TMEM92: variants seen among roughly 807,000 people sequenced by gnomAD.
TMEM92 encodes transmembrane protein 92.
In TMEM92, 15 loss-of-function variants were observed where a neutral mutation model predicts 14.6. The observed-to-expected ratio is 1.03, with a 90% CI of 0.69 to 1.58. The LOEUF is 1.58. Ranked by LOEUF, TMEM92 falls within the 40% of genes most tolerant of loss-of-function variation. The pLI is 0.00. For synonymous variants in TMEM92, 85 were observed against 83.3 expected (o/e 1.02, Z -0.11); for missense variants, 174 against 202.4 (o/e 0.86, Z 0.85).
At position 50,279,806 on chromosome 17, in the gene TMEM92, C is replaced by T. The variant is rs1326751748; in HGVS notation, c.*498C>T. Reference sequence around the variant, plus strand: ...TGTCCTCACTGAATGTTACTGATTGCGGCTGAGGGCCTGCCTCTGGCTGTG... The same window carrying T: ...TGTCCTCACTGAATGTTACTGATTGTGGCTGAGGGCCTGCCTCTGGCTGTG... On this transcript the variant is annotated 3_prime_UTR_variant, in exon 5 of 5. Transcript: ENST00000507382. 4.0e-5 allele frequency: 7 copies of T among 173,400 alleles called. No homozygotes were observed. Among genetic ancestry groups the T allele is most frequent in the East Asian group, 1.9e-4 (1 of 5,306 alleles). 10.7% of individuals were successfully genotyped at this position (173,400 alleles called of 1,614,324 possible).
In TMEM92 at chr17:50,278,876, C is replaced by A. The variant is rs751743999; in HGVS notation, c.246C>A (p.Asn82Lys). ...GCCTGGCTAAGTGCTTCTGTCGCAA[C>A]TGCAGAGAGCCGGAGCCAGACAGCC... is the stretch of plus-strand genomic sequence containing the variant. The part of the protein sequence containing the change: ...ICGLAKCFCR[N>K]CREPEPDSPV... Residue 82 changes from asparagine to lysine, a missense_variant, in exon 4 of 5, where the codon AAC becomes AAA. Asn to Lys is a moderately conservative substitution (Grantham distance 94, BLOSUM62 0). Coordinates refer to ENST00000507382, the MANE Select transcript of TMEM92 (RefSeq NM_153229.3). 20 of 1,613,870 alleles carry A rather than the reference C, an allele frequency of 1.2e-5. No individual in the cohort carries two copies. Among genetic ancestry groups the A allele is most frequent in the Non-Finnish European group, 1.6e-5 (19 of 1,179,886 alleles).
upstream of TMEM92, among the ~76,000 whole-genome samples, chr17:50,273,657 G>T (rs2250422): frequency 0.84 from 128,207 of 152,204 alleles, 55,758 homozygotes; most frequent in Non-Finnish European, 0.95. Context: ...AAATCTCAGG[G>T]CACTCTGAAA....
Position 50,278,926 on chromosome 17 carries a change from A to G in TMEM92, c.296A>G (p.Glu99Gly). 1 of 1,613,696 alleles carries G rather than the reference A, an allele frequency of 6.2e-7. No individual in the cohort carries two copies. Residue 99 changes from glutamate (E) to glycine (G), a missense_variant, in exon 4 of 5, where the codon GAA (glutamate) becomes GGA (glycine). Glu to Gly is a moderately conservative substitution (Grantham distance 98, BLOSUM62 -2). Coordinates refer to ENST00000507382, the MANE Select transcript of TMEM92 (RefSeq NM_153229.3). Reference sequence around the variant, plus strand: ...CCAGTGGATTGCCGGGGGCCCCTGGAACTGCCCTCCATCATCCCCCCAGAG... The same window carrying G: ...CCAGTGGATTGCCGGGGGCCCCTGGGACTGCCCTCCATCATCCCCCCAGAG... ...DSPVDCRGPL[E>G]LPSIIPPERV...
upstream of TMEM92, among the ~76,000 whole-genome samples, chr17:50,271,865 C>G (rs554294003): frequency 6.6e-6 from 1 of 152,124 alleles, no homozygotes; most frequent in African/African-American, 2.4e-5. Context: ...AAGGTAAAAC[C>G]CTGTCTCTAC....
chr17:50,279,388 C>T lies in TMEM92; in HGVS notation c.*80C>T, dbSNP rs1910541377. The T allele has an allele frequency of 1.8e-6, 2 of 1,091,796 alleles. No individual in the cohort carries two copies. Among genetic ancestry groups the T allele is most frequent in the South Asian group, 2.6e-5 (2 of 77,630 alleles). 67.6% of individuals were successfully genotyped at this position (1,091,796 alleles called of 1,614,324 possible). A position where few individuals can be genotyped will look rare whatever the true frequency, so the allele number is the denominator to read the frequency against. Reference sequence around the variant, plus strand: ...GATCAAGCTAGAGACTGCTGGCACCCCAGGAATGTCCCTGCCCATCCTGCC... The same window carrying T: ...GATCAAGCTAGAGACTGCTGGCACCTCAGGAATGTCCCTGCCCATCCTGCC... On this transcript the variant is annotated 3_prime_UTR_variant, in exon 5 of 5. Transcript: ENST00000507382.
chr17:50,279,437 T>A lies in TMEM92; in HGVS notation c.*129T>A. ...CCGTGTCTCTGTTCATTCTTGGATT[T>A]AACTTATTACTTTTTCTGCTTCTGT... is the stretch of plus-strand genomic sequence containing the variant. On this transcript the variant is annotated 3_prime_UTR_variant, in exon 5 of 5. Coordinates refer to ENST00000507382, the MANE Select transcript of TMEM92 (RefSeq NM_153229.3). 1.3e-6 allele frequency: 1 copy of A among 781,880 alleles called. No individual in the cohort carries two copies. 48.4% of individuals were successfully genotyped at this position (781,880 alleles called of 1,614,324 possible). A position where few individuals can be genotyped will look rare whatever the true frequency, so the allele number is the denominator to read the frequency against.
At chr17:50,278,747 G>T (rs1377979106) in intron 3 of TMEM92, 54 bp from the exon 4 acceptor site, 1 of 1,574,576 alleles carries the variant, frequency 6.4e-7, no homozygotes, top group Non-Finnish European at 8.6e-7. Context: ...GAGATGTAGG[G>T]AGTCCCCAGG....
chr17:50,279,691 G>T lies in TMEM92; in HGVS notation c.*383G>T. On this transcript the variant is annotated 3_prime_UTR_variant, in exon 5 of 5. Transcript: ENST00000507382. ...TTATCAGGGCACTTCTATACCTGTG[G>T]GACATTGGACTGGATGAGCCCTGAG... 1 of 275,662 alleles carries T rather than the reference G, an allele frequency of 3.6e-6. No homozygotes were observed. Among genetic ancestry groups the T allele is most frequent in the South Asian group, 3.3e-5 (1 of 30,746 alleles). 17.1% of individuals were successfully genotyped at this position (275,662 alleles called of 1,614,324 possible).
intron 1 of TMEM92, among the ~76,000 whole-genome samples, chr17:50,275,563 C>G (rs886641042): frequency 1.1e-4 from 17 of 152,146 alleles, no homozygotes; most frequent in African/African-American, 4.1e-4. Flanking sequence ...AGCCCAAGAC[C>G]ACCCTGACGC....
intron 1 of TMEM92, among the ~76,000 whole-genome samples, chr17:50,275,739 G>A (rs1408725633): frequency 2.0e-5 from 3 of 152,278 alleles, no homozygotes; most frequent in South Asian, 4.1e-4. Flanking sequence ...TCCAGGAAAA[G>A]GACAAGGGCC....
upstream of TMEM92, among the ~76,000 whole-genome samples, chr17:50,271,719 G>A (rs1400151254): frequency 6.6e-6 from 1 of 152,188 alleles, no homozygotes; most frequent in Non-Finnish European, 1.5e-5. Context: ...AGATAGAAAA[G>A]TAAATTTTAG....
chr17:50,277,175 G>C (rs1269973159), intron 1 of TMEM92, among the ~76,000 whole-genome samples: 1 of 152,126 alleles, frequency 6.6e-6, no homozygotes, highest in African/African-American at 2.4e-5. Context: ...GTGTAAAACA[G>C]CCAGGTATGT....
chr17:50,279,299 G>C lies in TMEM92; in HGVS notation c.471G>C (p.Pro157=). 1 of 1,613,746 alleles carries C rather than the reference G, an allele frequency of 6.2e-7. No individual in the cohort carries two copies. Among genetic ancestry groups the C allele is most frequent in the Non-Finnish European group, 8.5e-7 (1 of 1,179,836 alleles). Residue 157 remains proline (P), a synonymous_variant, in exon 5 of 5, where the codon CCG becomes CCC. Transcript: ENST00000507382. ...YTGDQRGIDN[P]AF is the part of the protein sequence containing the mutation. ...GGGATCAGAGGGGCATTGACAACCC[G>C]GCCTTCTGAGTCACCTCCTGCCTGG...
At chr17:50,276,699 A>G (rs1278232637) in intron 1 of TMEM92, among the ~76,000 whole-genome samples, 3 of 152,142 alleles carry the variant, frequency 2.0e-5, no homozygotes, top group Non-Finnish European at 4.4e-5. Context: ...ATGAAATGAA[A>G]CTAGGTAATT....
At chr17:50,273,384 G>A (rs1910316593), upstream of TMEM92, among the ~76,000 whole-genome samples, 1 of 152,332 alleles carries the variant, frequency 6.6e-6, no homozygotes, top group African/African-American at 2.4e-5. Flanking sequence ...GGCCGCAGGG[G>A]GCTCAGAATC....
Position 50,279,635 on chromosome 17 carries a change from A to T in TMEM92, c.*327A>T, listed in dbSNP as rs7221526. On this transcript the variant is annotated 3_prime_UTR_variant, in exon 5 of 5. Coordinates refer to ENST00000507382, the MANE Select transcript of TMEM92 (RefSeq NM_153229.3). ...AAGAGCCCCATTTCTGGAGGTATGCAAATCTTGACTGGACAGCCAGCTCTG... is the reference window on the plus strand; with the variant it reads ...AAGAGCCCCATTTCTGGAGGTATGCTAATCTTGACTGGACAGCCAGCTCTG... The T allele has an allele frequency of 3.1e-6, 1 of 321,738 alleles. No homozygotes were observed. Among genetic ancestry groups the T allele is most frequent in the South Asian group, 2.7e-5 (1 of 37,538 alleles). The allele number at this position is 321,738 out of a possible 1,614,324, so 19.9% of individuals were successfully genotyped here.
chr17:50,278,526 TC>T, intron 2 of TMEM92, 29 bp from the exon 3 acceptor site: 1 of 1,612,698 alleles, frequency 6.2e-7, no homozygotes, highest in African/African-American at 1.3e-5. Context: ...CAGCAACTTC[TC>T]CTTGCCCTTT....
chr17:50,277,859 C>A, intron 2 of TMEM92, 119 bp downstream of exon 2: 1 of 1,290,918 alleles, frequency 7.7e-7, no homozygotes, highest in Non-Finnish European at 1.1e-6. Flanking sequence ...AGTCCCAATC[C>A]AGCCAGAAAC....
chr17:50,278,011 G>T (rs1910485592), intron 2 of TMEM92, among the ~76,000 whole-genome samples: 1 of 152,202 alleles, frequency 6.6e-6, no homozygotes, highest in Non-Finnish European at 1.5e-5. Context: ...TCCCCTCTGA[G>T]GGTCCCCTGG....
Sources: gnomAD v4.1 joint callset for allele counts (sites outside exome capture counted in the v4.1 genomes callset) on GRCh38, gnomAD v4.1.1 for gene constraint, MANE v1.5 for transcripts, NCBI Gene and HGNC (gene_info 2026-07-23, HGNC 2026-07-21) for gene names.